TSPAN9: variants seen among roughly 807,000 people sequenced by gnomAD.
TSPAN9 encodes the protein tetraspanin 9, also known as tetraspanin-9.
In TSPAN9, 16 loss-of-function variants were observed where a neutral mutation model predicts 31.0. The ratio of observed to expected loss-of-function variants is 0.52; its 90% CI spans 0.35 to 0.78. TSPAN9 has a LOEUF of 0.78. Among genes scored for constraint, TSPAN9 ranks in the 30% least tolerant of loss-of-function variants. The probability of loss-of-function intolerance (pLI) is 0.01; values close to 1 mark genes in which losing one functional copy is unlikely to be tolerated. For synonymous variants in TSPAN9, 145 were observed against 121.6 expected (o/e 1.19, Z -1.27); for missense variants, 272 against 312.5 (o/e 0.87, Z 0.98).
intron 3 of TSPAN9, among the ~76,000 whole-genome samples, chr12:3,256,438 G>A (rs951063280): frequency 2.6e-4 from 40 of 152,228 alleles, no homozygotes; most frequent in African/African-American, 9.4e-4. Flanking sequence ...GCCTGGCGCC[G>A]GGCACCACAT....
chr12:3,251,441 G>GAAGTTCTTTTTTCAA (rs554778225), intron 3 of TSPAN9, among the ~76,000 whole-genome samples: 11 of 151,608 alleles, frequency 7.3e-5, no homozygotes, highest in South Asian at 4.1e-4. Flanking sequence ...AGGGGAGAAG[G>GAAGTTCTTTTTTCAA]AAGTTCTTTT....
chr12:3,077,705 A>T (rs992811476), intron 1 of TSPAN9, among the ~76,000 whole-genome samples: 2 of 152,034 alleles, frequency 1.3e-5, no homozygotes, highest in Non-Finnish European at 2.9e-5. Context: ...CACCGAGCGA[A>T]GTGGGGTCCT....
intron 2 of TSPAN9, among the ~76,000 whole-genome samples, chr12:3,179,253 G>C (rs2098357506): frequency 6.6e-6 from 1 of 152,176 alleles, no homozygotes. Context: ...AAGGGACCAT[G>C]CTGGGTGCAT....
intron 3 of TSPAN9, among the ~76,000 whole-genome samples, chr12:3,232,028 C>T (rs1342292049): frequency 6.6e-6 from 1 of 152,230 alleles, no homozygotes; most frequent in Non-Finnish European, 1.5e-5. Flanking sequence ...AGGGCCTTCA[C>T]CACGGGCCTC....
At chr12:3,228,565 A>G (rs1313504688) in intron 3 of TSPAN9, among the ~76,000 whole-genome samples, 1 of 152,158 alleles carries the variant, frequency 6.6e-6, no homozygotes, top group East Asian at 1.9e-4. Context: ...AGGCCCCACT[A>G]TTGGCAGGCA....
intron 3 of TSPAN9, among the ~76,000 whole-genome samples, chr12:3,225,670 GC>G (rs536499233): frequency 6.6e-6 from 1 of 152,054 alleles, no homozygotes; most frequent in African/African-American, 2.4e-5. Flanking sequence ...TGGGCAGACG[GC>G]CCCCCGCCCT....
intron 2 of TSPAN9, among the ~76,000 whole-genome samples, chr12:3,186,429 T>C (rs1345557138): frequency 6.6e-6 from 1 of 151,998 alleles, no homozygotes; most frequent in African/African-American, 2.4e-5. Context: ...GTGGCAGTGC[T>C]GAGATCTAGG....
chr12:3,227,996 T>C (rs976823845), intron 3 of TSPAN9, among the ~76,000 whole-genome samples: 1 of 152,196 alleles, frequency 6.6e-6, no homozygotes, highest in African/African-American at 2.4e-5. Context: ...GAAAGGCAGC[T>C]AAAATTCATT....
At chr12:3,105,871 C>T (rs563206199) in intron 2 of TSPAN9, among the ~76,000 whole-genome samples, 3 of 151,992 alleles carry the variant, frequency 2.0e-5, no homozygotes, top group Admixed American at 1.3e-4. Flanking sequence ...CACACACGCT[C>T]ACACACACAT....
intron 2 of TSPAN9, among the ~76,000 whole-genome samples, chr12:3,086,331 T>G (rs918370283): frequency 2.4e-4 from 1 of 4,108 alleles, no homozygotes; most frequent in Admixed American, 0.017. Context: ...AAATGTAGAT[T>G]TTTTTTTTTT....
chr12:3,160,761 A>T (rs979053184), intron 2 of TSPAN9, among the ~76,000 whole-genome samples: 2 of 152,016 alleles, frequency 1.3e-5, no homozygotes, highest in South Asian at 4.1e-4. Flanking sequence ...CTATTCATAT[A>T]CTTTGTTTAT....
intron 2 of TSPAN9, among the ~76,000 whole-genome samples, chr12:3,198,022 CCACCAGCACAGGCCACCACCAGCACAGGT>C (rs2098368164): frequency 9.1e-5 from 3 of 33,012 alleles, no homozygotes; most frequent in Admixed American, 2.9e-4. Flanking sequence ...GCACAGGTCA[CCACCAGCACAGGCCACCACCAGCACAGGT>C]CACCAGCACA....
At chr12:3,141,956 G>T (rs1382161828) in intron 2 of TSPAN9, among the ~76,000 whole-genome samples, 27 of 152,174 alleles carry the variant, frequency 1.8e-4, no homozygotes, top group Non-Finnish European at 1.5e-5. Context: ...CCCGGAAGCC[G>T]ACTTCCTCTG....
chr12:3,083,990 C>T (rs1591619113), intron 2 of TSPAN9: 1 of 152,064 alleles, frequency 6.6e-6, no homozygotes, highest in Admixed American at 6.5e-5. Flanking sequence ...TCTTGGCCAC[C>T]CCATTTGTGT....
intron 3 of TSPAN9, among the ~76,000 whole-genome samples, chr12:3,230,359 T>C (rs2098390012): frequency 6.6e-6 from 1 of 152,056 alleles, no homozygotes; most frequent in Non-Finnish European, 1.5e-5. Context: ...TGAGGCATAG[T>C]CTCACAGCCA....
intron 3 of TSPAN9, among the ~76,000 whole-genome samples, chr12:3,223,899 A>G (rs79583401): frequency 0.02 from 3,000 of 152,234 alleles, 45 homozygotes; most frequent in Non-Finnish European, 0.029. Context: ...ATAACAGAAT[A>G]GGGATGCTGG....
chr12:3,225,326 T>C (rs1387465743), intron 3 of TSPAN9, among the ~76,000 whole-genome samples: 1 of 152,176 alleles, frequency 6.6e-6, no homozygotes, highest in African/African-American at 2.4e-5. Flanking sequence ...CCAGGGGGCC[T>C]GGAGGACTGC....
intron 2 of TSPAN9, among the ~76,000 whole-genome samples, chr12:3,097,367 G>C (rs543344392): frequency 1.3e-5 from 2 of 152,336 alleles, no homozygotes; most frequent in South Asian, 4.1e-4. Flanking sequence ...TGGGTTTGGT[G>C]GGCTGAGCTC....
intron 2 of TSPAN9, among the ~76,000 whole-genome samples, chr12:3,154,986 G>T (rs1278381807): frequency 2.0e-5 from 3 of 152,218 alleles, no homozygotes; most frequent in Non-Finnish European, 4.4e-5. Context: ...GCAGTGGTCT[G>T]TAACAGTTAA....
Sources: allele counts gnomAD v4.1 joint callset (sites outside exome capture counted in the v4.1 genomes callset), GRCh38; gene constraint gnomAD v4.1.1; transcripts MANE v1.5; gene names NCBI Gene and HGNC (gene_info 2026-07-23, HGNC 2026-07-21).